The following MINDY4 variants were observed in gnomAD, a reference collection of about 807,000 sequenced individuals.
MINDY4 encodes the protein probable ubiquitin carboxyl-terminal hydrolase MINDY-4.
In MINDY4, 68 loss-of-function variants were observed where a neutral mutation model predicts 87.0. The observed-to-expected ratio is 0.78, with a 90% CI of 0.64 to 0.96. The LOEUF (loss-of-function observed/expected upper bound fraction) is 0.96. Among genes scored for constraint, MINDY4 ranks in the 40% least tolerant of loss-of-function variants. MINDY4 has a pLI of 0.00. For missense variants in MINDY4, 919 were observed against 928.2 expected (o/e 0.99, Z 0.13); for synonymous variants, 379 against 363.2 (o/e 1.04, Z -0.50).
chr7:30,876,561 C>T (rs73301962), intron 15 of MINDY4, among the ~76,000 whole-genome samples: 34 of 152,296 alleles, frequency 2.2e-4, no homozygotes, highest in African/African-American at 8.2e-4. Context: ...CTGGATAGGG[C>T]ATGGGTGACT....
chr7:30,789,472 T>C (rs577773355), intron 4 of MINDY4, among the ~76,000 whole-genome samples: 1 of 152,170 alleles, frequency 6.6e-6, no homozygotes, highest in East Asian at 1.9e-4. Context: ...GCTCCAAAGA[T>C]TGTTGGGTAT....
chr7:30,851,688 G>T (rs1050548659), intron 10 of MINDY4, among the ~76,000 whole-genome samples: 1 of 152,166 alleles, frequency 6.6e-6, no homozygotes, highest in African/African-American at 2.4e-5. Context: ...TACAGATTAG[G>T]AAACAGAAGC....
At chr7:30,802,278 A>G (rs1211063904) in intron 5 of MINDY4, among the ~76,000 whole-genome samples, 1 of 151,324 alleles carries the variant, frequency 6.6e-6, no homozygotes, top group East Asian at 1.9e-4. Flanking sequence ...GTAAGGAGCT[A>G]CTCACTCTCA....
At chr7:30,848,542 G>A (rs1237605586) in intron 9 of MINDY4, among the ~76,000 whole-genome samples, 2 of 152,176 alleles carry the variant, frequency 1.3e-5, no homozygotes, top group East Asian at 3.8e-4. Context: ...TCCTTTTTCT[G>A]ATAAGCTCTG....
intron 11 of MINDY4, among the ~76,000 whole-genome samples, chr7:30,852,748 A>T (rs530972370): frequency 6.6e-6 from 1 of 152,346 alleles, no homozygotes; most frequent in South Asian, 2.1e-4. Context: ...TGGAAGACAT[A>T]CATTTTTGTA....
Position 30,892,105 on chromosome 7 carries a change from A to G in MINDY4, c.*100A>G. ...CTCTGGGGCAGGTCTCATGTACCCCAACCTGGGTCAGCATGACTGCAGAAG... is the reference window on the plus strand; with the variant it reads ...CTCTGGGGCAGGTCTCATGTACCCCGACCTGGGTCAGCATGACTGCAGAAG... On this transcript the variant is annotated 3_prime_UTR_variant, in exon 18 of 18. Transcript: ENST00000265299. 1 of 1,326,298 alleles carries G rather than the reference A, an allele frequency of 7.5e-7. No homozygotes were observed. The highest frequency in any genetic ancestry group is 1.2e-5 in the South Asian group (1 of 84,754). 82.2% of individuals were successfully genotyped at this position (1,326,298 alleles called of 1,614,324 possible).
chr7:30,805,594 G>T (rs1209014993), intron 5 of MINDY4, among the ~76,000 whole-genome samples: 1 of 152,168 alleles, frequency 6.6e-6, no homozygotes, highest in East Asian at 1.9e-4. Context: ...TCTCCTGGAG[G>T]CAGGAGGTTG....
At chr7:30,865,872 G>T (rs1789918668) in intron 13 of MINDY4, among the ~76,000 whole-genome samples, 1 of 152,214 alleles carries the variant, frequency 6.6e-6, no homozygotes, top group South Asian at 2.1e-4. Flanking sequence ...CTGGACTGTG[G>T]GAGGGGTAAC....
intron 13 of MINDY4, among the ~76,000 whole-genome samples, chr7:30,867,835 G>C (rs1010354512): frequency 6.6e-6 from 1 of 152,200 alleles, no homozygotes; most frequent in African/African-American, 2.4e-5. Flanking sequence ...TCTCCCCAGG[G>C]TAAGTACTGC....
chr7:30,805,597 G>A (rs1249465409), intron 5 of MINDY4, among the ~76,000 whole-genome samples: 1 of 152,138 alleles, frequency 6.6e-6, no homozygotes, highest in African/African-American at 2.4e-5. Flanking sequence ...CCTGGAGGCA[G>A]GAGGTTGCAT....
At chr7:30,809,132 G>A (rs1787906296) in intron 5 of MINDY4, among the ~76,000 whole-genome samples, 1 of 152,086 alleles carries the variant, frequency 6.6e-6, no homozygotes, top group Non-Finnish European at 1.5e-5. Context: ...GATTGAAGGT[G>A]TTCTCCATAA....
intron 3 of MINDY4, among the ~76,000 whole-genome samples, chr7:30,783,679 G>T (rs1787070267): frequency 6.6e-6 from 1 of 152,170 alleles, no homozygotes; most frequent in African/African-American, 2.4e-5. Flanking sequence ...AATCTCTGCT[G>T]TGAAGTGCTG....
At chr7:30,862,387 A>T (rs1003157793) in intron 13 of MINDY4, among the ~76,000 whole-genome samples, 1 of 152,230 alleles carries the variant, frequency 6.6e-6, no homozygotes, top group Non-Finnish European at 1.5e-5. Context: ...TGAATAAGCC[A>T]TTCTCTGGCC....
chr7:30,881,379 C>T (rs1790459781), intron 15 of MINDY4, among the ~76,000 whole-genome samples: 1 of 152,208 alleles, frequency 6.6e-6, no homozygotes, highest in African/African-American at 2.4e-5. Flanking sequence ...TGGAATGCTC[C>T]TTATCCAAGT....
At chr7:30,838,630 C>G (rs889616320) in intron 7 of MINDY4, among the ~76,000 whole-genome samples, 1 of 152,046 alleles carries the variant, frequency 6.6e-6, no homozygotes, top group African/African-American at 2.4e-5. Flanking sequence ...GTGGTGGGGG[C>G]AGATTTGGCC....
chr7:30,858,752 C>T, intron 12 of MINDY4: 1 of 336,054 alleles, frequency 3.0e-6, no homozygotes. Context: ...CTCTGCTGCT[C>T]TTAGCACAGC....
chr7:30,782,257 A>G lies in MINDY4; in HGVS notation c.419+45A>G, dbSNP rs763756173. 4.1e-6 allele frequency: 6 copies of G among 1,460,368 alleles called. No homozygotes were observed. The African/African-American group carries it at 4.2e-5, about 10-fold the overall frequency. 90.5% of individuals were successfully genotyped at this position (1,460,368 alleles called of 1,614,324 possible). On this transcript the variant is annotated intron_variant, in intron 3 of 17. Coordinates refer to ENST00000265299, the MANE Select transcript of MINDY4 (RefSeq NM_032222.3). ...TGTTTATTAGTTTCCTATTGCTGCC[A>G]TAACAAATTACTATGTACTTCATGG...
rs183466859 is a variant in MINDY4, at chr7:30,884,298, G to A, written c.2225+1305G>A. 1.7e-4 allele frequency among the ~76,000 whole-genome samples: 26 copies of A among 152,292 alleles called. 2 individuals carry two copies. The highest frequency in any genetic ancestry group is 5.5e-4 in the African/African-American group (23 of 41,562). On this transcript the variant is annotated intron_variant, in intron 17 of 17. Coordinates refer to ENST00000265299, the MANE Select transcript of MINDY4 (RefSeq NM_032222.3). Reference sequence around the variant, plus strand: ...CTCGACATGCTTTGTCCGTCCGTCCGTCCATCCGTTCGTCCATCCACCTGC... The same window carrying A: ...CTCGACATGCTTTGTCCGTCCGTCCATCCATCCGTTCGTCCATCCACCTGC...
intron 6 of MINDY4, among the ~76,000 whole-genome samples, chr7:30,835,682 C>G (rs546956487): frequency 6.6e-6 from 1 of 152,186 alleles, no homozygotes; most frequent in Non-Finnish European, 1.5e-5. Context: ...ATACCACCCC[C>G]GCCCACACAG....
Sources: gnomAD v4.1 joint callset for allele counts (sites outside exome capture counted in the v4.1 genomes callset) on GRCh38, gnomAD v4.1.1 for gene constraint, MANE v1.5 for transcripts, NCBI Gene and HGNC (gene_info 2026-07-23, HGNC 2026-07-21) for gene names.